Variants in MYRIP observed in about 807,000 individuals in gnomAD.
MYRIP encodes myosin VIIA and Rab interacting protein, also known as rab effector MyRIP.
A neutral mutation model predicts 98.0 loss-of-function variants in MYRIP; 49 were observed. The ratio of observed to expected loss-of-function variants is 0.50; its 90% CI spans 0.40 to 0.63. The LOEUF (loss-of-function observed/expected upper bound fraction) is 0.63, where lower values mean the gene tolerates loss of function less well. MYRIP is among the 30% of genes least tolerant of loss of function. MYRIP has a pLI of 0.00. For missense variants in MYRIP, 1,004 were observed against 1,058.2 expected, an observed-to-expected ratio of 0.95 and a Z score of 0.71; for synonymous variants, 404 against 409.5, an observed-to-expected ratio of 0.99 and a Z score of 0.16.
intron 2 of MYRIP, among the ~76,000 whole-genome samples, chr3:39,926,638 G>T (rs1292167505): frequency 6.6e-6 from 1 of 152,012 alleles, no homozygotes; most frequent in East Asian, 1.9e-4. Context: ...GAGATCAGAT[G>T]GTTGTAGGTG....
At chr3:40,246,986 A>G (rs13059412) in intron 13 of MYRIP, among the ~76,000 whole-genome samples, 82,527 of 151,988 alleles carry the variant, frequency 0.54, 23,774 homozygotes, top group East Asian at 0.75. Flanking sequence ...ATTATTTTCC[A>G]TAAATTTCAC....
intron 1 of MYRIP, among the ~76,000 whole-genome samples, chr3:39,831,751 CTAAT>C (rs1269904744): frequency 6.6e-6 from 1 of 152,100 alleles, no homozygotes; most frequent in Non-Finnish European, 1.5e-5. Context: ...ACTTGAAATT[CTAAT>C]TAATTAAAAT....
intron 2 of MYRIP, among the ~76,000 whole-genome samples, chr3:40,004,355 G>T (rs1221345448): frequency 6.6e-6 from 1 of 152,210 alleles, no homozygotes; most frequent in East Asian, 1.9e-4. Flanking sequence ...GACAAAAGTG[G>T]GGCTGTGCTA....
intron 11 of MYRIP, among the ~76,000 whole-genome samples, chr3:40,218,349 G>A (rs1464950272): frequency 6.6e-6 from 1 of 151,790 alleles, no homozygotes; most frequent in Non-Finnish European, 1.5e-5. Context: ...ATGACATTCT[G>A]GAGAAGGCAA....
chr3:39,877,064 C>G (rs1274913858), intron 1 of MYRIP, among the ~76,000 whole-genome samples: 1 of 152,094 alleles, frequency 6.6e-6, no homozygotes, highest in Non-Finnish European at 1.5e-5. Context: ...TTTCTCTAAA[C>G]TTCCCTTCTC....
intron 1 of MYRIP, among the ~76,000 whole-genome samples, chr3:39,832,924 G>A (rs555483570): frequency 5.9e-5 from 9 of 152,188 alleles, no homozygotes; most frequent in Non-Finnish European, 7.3e-5. Context: ...GTGGAAAGCC[G>A]TTTATGCACA....
chr3:39,987,416 A>G (rs1047110776), intron 2 of MYRIP, among the ~76,000 whole-genome samples: 2 of 152,146 alleles, frequency 1.3e-5, no homozygotes, highest in Non-Finnish European at 2.9e-5. Context: ...ATTGATGGGC[A>G]TTTGGGTTGG....
intron 2 of MYRIP, among the ~76,000 whole-genome samples, chr3:40,010,408 G>A (rs1391760784): frequency 1.3e-5 from 2 of 152,194 alleles, no homozygotes; most frequent in African/African-American, 4.8e-5. Flanking sequence ...AGATATTCTA[G>A]TAGGAGACAG....
intron 2 of MYRIP, among the ~76,000 whole-genome samples, chr3:39,926,966 A>G (rs1435988804): frequency 6.6e-6 from 1 of 151,920 alleles, no homozygotes; most frequent in African/African-American, 2.4e-5. Context: ...ATGAACATGG[A>G]ATGTTTTTTG....
At chr3:39,851,831 T>A (rs756033914) in intron 1 of MYRIP, among the ~76,000 whole-genome samples, 2 of 151,980 alleles carry the variant, frequency 1.3e-5, no homozygotes, top group Middle Eastern at 3.2e-3. Flanking sequence ...GCCTATAGGA[T>A]CTGGTGCCTG....
intron 1 of MYRIP, among the ~76,000 whole-genome samples, chr3:39,839,116 T>C (rs1273914480): frequency 6.6e-6 from 1 of 152,124 alleles, no homozygotes; most frequent in Non-Finnish European, 1.5e-5. Context: ...TGGTCTATTT[T>C]GTTAATCTTC....
chr3:40,004,337 T>G (rs1000641165), intron 2 of MYRIP, among the ~76,000 whole-genome samples: 29 of 152,134 alleles, frequency 1.9e-4, no homozygotes, highest in Non-Finnish European at 2.4e-4. Flanking sequence ...GCTGTGATGC[T>G]GAGACAGGAC....
At chr3:39,876,291 A>T (rs946906706) in intron 1 of MYRIP, among the ~76,000 whole-genome samples, 10 of 152,048 alleles carry the variant, frequency 6.6e-5, no homozygotes, top group African/African-American at 2.4e-4. Context: ...TTGACTCTTT[A>T]TCCAATTTGC....
At chr3:39,987,649 A>G (rs1301800446) in intron 2 of MYRIP, among the ~76,000 whole-genome samples, 2 of 152,186 alleles carry the variant, frequency 1.3e-5, no homozygotes, top group Non-Finnish European at 2.9e-5. Context: ...CTATTTATCC[A>G]CAGCCTTGCC....
At chr3:40,174,257 T>G (rs1012185533) in intron 8 of MYRIP, 32 of 152,226 alleles carry the variant, frequency 2.1e-4, no homozygotes, top group African/African-American at 7.7e-4. Flanking sequence ...AGCTGGCTCT[T>G]TGTTACTGCA....
chr3:39,835,779 T>G (rs1239379595), intron 1 of MYRIP, among the ~76,000 whole-genome samples: 1 of 152,130 alleles, frequency 6.6e-6, no homozygotes, highest in African/African-American at 2.4e-5. Context: ...GTGTGTGATA[T>G]TCCCCTCCCT....
intron 3 of MYRIP, among the ~76,000 whole-genome samples, chr3:40,064,816 A>G (rs1328537905): frequency 1.3e-5 from 2 of 152,148 alleles, no homozygotes; most frequent in Non-Finnish European, 2.9e-5. Flanking sequence ...TCATCCTGGG[A>G]CTTAATTCCT....
chr3:40,173,224 C>T (rs1381411795), intron 8 of MYRIP: 1 of 152,180 alleles, frequency 6.6e-6, no homozygotes, highest in Admixed American at 6.5e-5. Flanking sequence ...CCTGCATTAT[C>T]CCCATTTTAC....
chr3:40,251,970 G>C lies in MYRIP; in HGVS notation c.2518G>C (p.Glu840Gln). 6.2e-7 allele frequency: 1 copy of C among 1,612,156 alleles called. No individual in the cohort carries two copies. Among genetic ancestry groups the C allele is most frequent in the South Asian group, 1.1e-5 (1 of 91,018 alleles). The change falls in exon 16 of 17, where the codon GAA (glutamate) becomes CAA (glutamine). Residue 840 changes from glutamate (E) to glutamine (Q), a missense_variant. By Grantham distance (29) the Glu-to-Gln change is conservative (BLOSUM62 2). This residue lies in a region of MYRIP where 108 missense variants were observed against 111.1 expected (regional missense o/e 0.97). Coordinates refer to ENST00000302541, the MANE Select transcript of MYRIP (RefSeq NM_015460.4). ...AGGCTCCTCAACAAACAGGACTAAG[G>C]AAAGGAAAGGCACCACCAAGGATTT... ...LQGSSTNRTKERKGTTKDLME... is the reference protein window; with the variant it reads ...LQGSSTNRTKQRKGTTKDLME...
Sources: allele counts gnomAD v4.1 joint callset (sites outside exome capture counted in the v4.1 genomes callset), GRCh38; gene constraint gnomAD v4.1.1; regional missense constraint gnomAD v4.1.1; transcripts MANE v1.5; gene names NCBI Gene and HGNC (gene_info 2026-07-23, HGNC 2026-07-21).